AFG1L: variants seen among roughly 807,000 people sequenced by gnomAD.
The protein encoded by AFG1L is AFG1-like ATPase.
Under a neutral mutation model 62.2 loss-of-function variants are expected in AFG1L, and 53 were observed. The ratio of observed to expected loss-of-function variants is 0.85; its 90% CI spans 0.68 to 1.07. AFG1L has a LOEUF of 1.07. Ranked by LOEUF, AFG1L falls within the 50% of genes least tolerant of loss-of-function variation. AFG1L has a pLI of 0.00. For synonymous variants in AFG1L, 228 were observed against 210.3 expected (o/e 1.08, Z -0.73); for missense variants, 555 against 590.5 (o/e 0.94, Z 0.62).
chr6:108,513,628 G>A (rs1774756719), intron 11 of AFG1L, among the ~76,000 whole-genome samples: 1 of 152,156 alleles, frequency 6.6e-6, no homozygotes, highest in South Asian at 2.1e-4. Context: ...GCTCCAACTG[G>A]GTGGAGCCCA....
rs183290275 is a variant in AFG1L, at chr6:108,342,932, T to C, written c.364-4056T>C. 1.5e-3 allele frequency among the ~76,000 whole-genome samples: 224 copies of C among 152,234 alleles called. 2 individuals are homozygous for C. Among genetic ancestry groups the C allele is most frequent in the Non-Finnish European group, 1.8e-3 (120 of 68,018 alleles). ...TATCTCTTTGTCATCTTCTGAATAT[T>C]ACTATAAAATATAATACAACATAAC... On this transcript the variant is annotated intron_variant, in intron 2 of 12. Transcript: ENST00000368977.
intron 8 of AFG1L, among the ~76,000 whole-genome samples, chr6:108,471,945 G>A (rs1411736826): frequency 2.0e-5 from 3 of 152,140 alleles, no homozygotes; most frequent in East Asian, 1.9e-4. Context: ...ATCTAAGGAC[G>A]CAGTGTCCAT....
intron 6 of AFG1L, among the ~76,000 whole-genome samples, chr6:108,373,303 T>C (rs888032559): frequency 2.0e-5 from 3 of 152,208 alleles, no homozygotes; most frequent in Admixed American, 2.0e-4. Context: ...GGTTTTTTTG[T>C]TCCTGCATTA....
chr6:108,451,519 G>A (rs1023596417), intron 8 of AFG1L, among the ~76,000 whole-genome samples: 8 of 152,104 alleles, frequency 5.3e-5, no homozygotes, highest in African/African-American at 1.9e-4. Flanking sequence ...AGTTTCAGAC[G>A]TTTTTGGCCC....
chr6:108,396,302 G>A (rs1781305732), intron 6 of AFG1L, among the ~76,000 whole-genome samples: 2 of 151,888 alleles, frequency 1.3e-5, no homozygotes, highest in Non-Finnish European at 2.9e-5. Flanking sequence ...CAATACATAT[G>A]TTTACATGTA....
intron 10 of AFG1L, among the ~76,000 whole-genome samples, chr6:108,497,381 T>C (rs1774013230): frequency 6.6e-6 from 1 of 152,244 alleles, no homozygotes; most frequent in South Asian, 2.1e-4. Flanking sequence ...TTACTTACTA[T>C]ATTCTTTGCT....
intron 7 of AFG1L, among the ~76,000 whole-genome samples, chr6:108,406,142 A>G (rs1176359149): frequency 1.3e-5 from 2 of 152,182 alleles, no homozygotes; most frequent in East Asian, 1.9e-4. Context: ...TTTTGTGTAC[A>G]TACCCAGAAC....
intron 8 of AFG1L, among the ~76,000 whole-genome samples, chr6:108,454,537 A>G (rs73763125): frequency 0.02 from 3,065 of 152,266 alleles, 97 homozygotes; most frequent in African/African-American, 0.069. Context: ...CTTGCCAGGT[A>G]CAATTACCAG....
intron 11 of AFG1L, among the ~76,000 whole-genome samples, chr6:108,510,705 C>T (rs144760473): frequency 6.6e-6 from 1 of 152,268 alleles, no homozygotes; most frequent in East Asian, 1.9e-4. Flanking sequence ...TCATCTATCA[C>T]GTTCTAAAAC....
At chr6:108,465,262 T>C (rs1323527838) in intron 8 of AFG1L, among the ~76,000 whole-genome samples, 1 of 152,204 alleles carries the variant, frequency 6.6e-6, no homozygotes, top group Non-Finnish European at 1.5e-5. Context: ...GAAAATCATG[T>C]TAAATTTAGT....
rs1381864919 is a variant in AFG1L at position 108,524,765 on chromosome 6, G to C, written c.*2340G>C. On this transcript the variant is annotated 3_prime_UTR_variant, in exon 13 of 13. Transcript: ENST00000368977. ...AGAAGGCTTTGGCTGGATCTCTGGA[G>C]GGGAGGGAGTTCCATGGTGGCTGGA... 1 of 152,180 alleles carries C rather than the reference G, an allele frequency of 6.6e-6. No individual in the cohort carries two copies. Among genetic ancestry groups the C allele is most frequent in the Non-Finnish European group, 1.5e-5 (1 of 68,052 alleles). The allele number at this position is 152,180 out of a possible 1,614,324, so 9.4% of individuals were successfully genotyped here.
chr6:108,317,055 A>C (rs1321077635), intron 1 of AFG1L, among the ~76,000 whole-genome samples: 2 of 152,220 alleles, frequency 1.3e-5, no homozygotes, highest in East Asian at 3.8e-4. Context: ...TGTTAAGAAA[A>C]AAAAGCCCTA....
At chr6:108,372,171 A>G (rs1780038649) in intron 6 of AFG1L, among the ~76,000 whole-genome samples, 4 of 151,754 alleles carry the variant, frequency 2.6e-5, no homozygotes, top group African/African-American at 2.4e-5. Flanking sequence ...TTTATTTCAA[A>G]TATGTGATGA....
At chr6:108,489,638 G>A (rs369171428) in intron 10 of AFG1L, among the ~76,000 whole-genome samples, 2 of 152,266 alleles carry the variant, frequency 1.3e-5, no homozygotes, top group Middle Eastern at 6.8e-3. Flanking sequence ...GAGATTGCAC[G>A]AAACAAGATA....
intron 7 of AFG1L, among the ~76,000 whole-genome samples, chr6:108,433,621 C>G (rs1313693556): frequency 6.6e-6 from 1 of 151,788 alleles, no homozygotes; most frequent in East Asian, 1.9e-4. Context: ...TGAGATGGAT[C>G]TCACTCTGTT....
At chr6:108,490,876 C>T (rs927153050) in intron 10 of AFG1L, among the ~76,000 whole-genome samples, 3 of 152,186 alleles carry the variant, frequency 2.0e-5, no homozygotes, top group South Asian at 2.1e-4. Context: ...TCTCTACTGA[C>T]GGATGCTCAG....
chr6:108,440,999 T>A (rs183977353), intron 7 of AFG1L, among the ~76,000 whole-genome samples: 1 of 152,292 alleles, frequency 6.6e-6, no homozygotes, highest in East Asian at 1.9e-4. Context: ...TCGATTTATG[T>A]AGTTGGGATT....
At chr6:108,317,279 CTCAAA>C (rs1200497992) in intron 1 of AFG1L, among the ~76,000 whole-genome samples, 1 of 152,134 alleles carries the variant, frequency 6.6e-6, no homozygotes, top group African/African-American at 2.4e-5. Flanking sequence ...GGAGTTATCC[CTCAAA>C]TCAGTCTCTC....
At chr6:108,326,924 T>C (rs1305672708) in intron 2 of AFG1L, among the ~76,000 whole-genome samples, 1 of 151,258 alleles carries the variant, frequency 6.6e-6, no homozygotes, top group Non-Finnish European at 1.5e-5. Context: ...CACTCCAGCC[T>C]GGGTGACAGT....
Sources: gnomAD v4.1 joint callset for allele counts (sites outside exome capture counted in the v4.1 genomes callset) on GRCh38, gnomAD v4.1.1 for gene constraint, MANE v1.5 for transcripts, NCBI Gene and HGNC (gene_info 2026-07-23, HGNC 2026-07-21) for gene names.